Variants in NLRP14 observed in about 807,000 individuals in gnomAD.
The protein encoded by NLRP14 is NACHT, LRR and PYD domains-containing protein 14.
NLRP14 carries 105 observed loss-of-function variants against 94.7 expected under a neutral mutation model. The observed-to-expected ratio is 1.11, with a 90% CI of 0.95 to 1.30. The LOEUF (loss-of-function observed/expected upper bound fraction) is 1.30. NLRP14 is among the 50% of genes most tolerant of loss of function. The pLI is 0.00. For synonymous variants in NLRP14, 508 were observed against 459.9 expected, an observed-to-expected ratio of 1.10 and a Z score of -1.34; for missense variants, 1,362 against 1,254.1, an observed-to-expected ratio of 1.09 and a Z score of -1.30.
the NLRP14 span, among the ~76,000 whole-genome samples, chr11:7,083,298 C>T: frequency 2.0e-5 from 3 of 152,304 alleles, no homozygotes; most frequent in South Asian, 4.1e-4. Flanking sequence ...ATGCCCATTC[C>T]AATTCTCTAC....
At chr11:7,046,330 A>C (rs1302441437) in intron 4 of NLRP14, among the ~76,000 whole-genome samples, 3 of 152,140 alleles carry the variant, frequency 2.0e-5, no homozygotes, top group Non-Finnish European at 4.4e-5. Flanking sequence ...ATTCTTTGTG[A>C]CCAAATTTTA....
At chr11:7,063,163 G>C (rs1293284134) in intron 10 of NLRP14, among the ~76,000 whole-genome samples, 1 of 152,046 alleles carries the variant, frequency 6.6e-6, no homozygotes, top group African/African-American at 2.4e-5. Flanking sequence ...TAATAGCAAT[G>C]ATGATGATGT....
chr11:7,090,106 G>C, the NLRP14 span: 1 of 1,612,386 alleles, frequency 6.2e-7, no homozygotes, highest in East Asian at 2.2e-5. Flanking sequence ...TACAGCAGCA[G>C]TTATGGCCGG....
At chr11:7,075,521 C>T (rs1331623188), downstream of NLRP14, among the ~76,000 whole-genome samples, 2 of 152,166 alleles carry the variant, frequency 1.3e-5, no homozygotes, top group Non-Finnish European at 2.9e-5. Context: ...TTATCTTAAA[C>T]TGATAGCAAT....
chr11:7,048,740 G>T (rs1852396979), intron 5 of NLRP14, among the ~76,000 whole-genome samples: 1 of 152,084 alleles, frequency 6.6e-6, no homozygotes, highest in African/African-American at 2.4e-5. Context: ...CATCAATCCG[G>T]ATCTTCACAA....
Position 7,062,522 on chromosome 11 carries a change from A to G in NLRP14, c.2975+19A>G, listed in dbSNP as rs1288631470. 6.2e-6 allele frequency: 10 copies of G among 1,605,808 alleles called. No individual in the cohort carries two copies. Among genetic ancestry groups the G allele is most frequent in the East Asian group, 4.5e-5 (2 of 44,818 alleles). On this transcript the variant is annotated intron_variant, in intron 10 of 11. Transcript: ENST00000299481. ...GGCTCGGGTGAGTTCATAGTTTTCC[A>G]TTAGGAAAATGATGCCTATTTGGTA...
chr11:7,089,042 G>T, the NLRP14 span: 2 of 1,516,544 alleles, frequency 1.3e-6, no homozygotes, highest in South Asian at 1.2e-5. Flanking sequence ...AGCCGCCCTC[G>T]ACGAGCGAGC....
intron 9 of NLRP14, among the ~76,000 whole-genome samples, chr11:7,061,035 A>G (rs1852611990): frequency 6.6e-6 from 1 of 152,048 alleles, no homozygotes; most frequent in Non-Finnish European, 1.5e-5. Flanking sequence ...AGTGACCAGC[A>G]ACTTTTGTGA....
chr11:7,030,751 C>T (rs1374269378), intron 1 of NLRP14, among the ~76,000 whole-genome samples: 2 of 152,100 alleles, frequency 1.3e-5, no homozygotes, highest in African/African-American at 4.8e-5. Context: ...TTTAGATGGA[C>T]GAATAAAGGG....
intron 1 of NLRP14, among the ~76,000 whole-genome samples, chr11:7,036,080 A>T (rs955274713): frequency 4.6e-5 from 7 of 152,226 alleles, no homozygotes; most frequent in African/African-American, 1.7e-4. Context: ...ATCTATATAC[A>T]CTAGGTCCTC....
chr11:7,083,107 A>G, the NLRP14 span, among the ~76,000 whole-genome samples: 6 of 152,206 alleles, frequency 3.9e-5, no homozygotes, highest in African/African-American at 1.4e-4. Context: ...TGTGGGAGAA[A>G]TTGCATAGTC....
downstream of NLRP14, among the ~76,000 whole-genome samples, chr11:7,076,523 C>G (rs77354381): frequency 0.037 from 5,700 of 152,104 alleles, 280 homozygotes; most frequent in African/African-American, 0.11. Context: ...CTTTGCATAC[C>G]TGATCCTCTC....
rs756811799 is a variant in NLRP14 at position 7,042,621 on chromosome 11, G to A, written c.595G>A (p.Asp199Asn). 1.2e-6 allele frequency: 2 copies of A among 1,614,232 alleles called. No individual in the cohort carries two copies. The highest frequency in any genetic ancestry group is 4.5e-5 in the East Asian group (2 of 44,892). Residue 199 changes from aspartate to asparagine, a missense_variant, in exon 4 of 12, where the codon GAT becomes AAT. Coordinates refer to ENST00000299481, the MANE Select transcript of NLRP14 (RefSeq NM_176822.4). The part of the protein sequence containing the change: ...KTTLVRKAML[D>N]WAEGSLYQQR... Reference sequence around the variant, plus strand: ...AACCTTGGTGAGAAAGGCAATGTTAGATTGGGCAGAGGGCAGTCTCTACCA... The same window carrying A: ...AACCTTGGTGAGAAAGGCAATGTTAAATTGGGCAGAGGGCAGTCTCTACCA...
At chr11:7,080,406 A>T in the NLRP14 span, among the ~76,000 whole-genome samples, 11 of 152,364 alleles carry the variant, frequency 7.2e-5, no homozygotes, top group South Asian at 1.9e-3. Context: ...TCAATAATTC[A>T]TTACAACCAT....
intron 7 of NLRP14, 126 bp downstream of exon 7, chr11:7,057,973 C>G (rs914158286): frequency 1.3e-6 from 1 of 795,626 alleles, no homozygotes; most frequent in Non-Finnish European, 2.2e-6. Flanking sequence ...TCTGAATAAG[C>G]TCTACATGCA....
intron 6 of NLRP14, among the ~76,000 whole-genome samples, chr11:7,052,294 G>A (rs1852451969): frequency 6.6e-6 from 1 of 152,130 alleles, no homozygotes; most frequent in South Asian, 2.1e-4. Flanking sequence ...TATCTTCATA[G>A]ACTTTGAATT....
intron 6 of NLRP14, 66 bp from the exon 7 acceptor site, chr11:7,057,611 G>A (rs1042213660): frequency 3.5e-6 from 5 of 1,421,986 alleles, no homozygotes; most frequent in African/African-American, 2.8e-5. Flanking sequence ...CTTTGGGATC[G>A]GTAGGTGTTG....
the NLRP14 span, chr11:7,090,246 G>A: frequency 6.8e-6 from 11 of 1,609,832 alleles, 1 homozygote; most frequent in East Asian, 6.7e-5. Flanking sequence ...GCCCAGGGGC[G>A]GAGGCCGTCT....
chr11:7,028,519 G>A (rs955755868), intron 1 of NLRP14, among the ~76,000 whole-genome samples: 22 of 152,054 alleles, frequency 1.4e-4, no homozygotes, highest in Non-Finnish European at 1.2e-4. Context: ...ATAGAACCAG[G>A]ATGATTCTCT....
Sources: allele counts gnomAD v4.1 joint callset (sites outside exome capture counted in the v4.1 genomes callset), GRCh38; gene constraint gnomAD v4.1.1; transcripts MANE v1.5; gene names NCBI Gene and HGNC (gene_info 2026-07-23, HGNC 2026-07-21).